The following NOS1AP variants were observed in gnomAD, a reference collection of about 807,000 sequenced individuals.
The protein encoded by NOS1AP is carboxyl-terminal PDZ ligand of neuronal nitric oxide synthase protein.
In NOS1AP, 21 loss-of-function variants were observed where a neutral mutation model predicts 56.2. That is an observed-to-expected ratio of 0.37 (90% CI 0.26 to 0.54). The LOEUF (loss-of-function observed/expected upper bound fraction) is 0.54, where lower values mean the gene tolerates loss of function less well. Among genes scored for constraint, NOS1AP ranks in the 20% least tolerant of loss-of-function variants. The pLI, the probability that NOS1AP is intolerant of heterozygous loss-of-function variation, is 0.84. For synonymous variants in NOS1AP, 270 were observed against 274.6 expected, an observed-to-expected ratio of 0.98 and a Z score of 0.17; for missense variants, 522 against 657.8, an observed-to-expected ratio of 0.79 and a Z score of 2.26.
intron 4 of NOS1AP, among the ~76,000 whole-genome samples, chr1:162,304,313 A>T (rs1275687311): frequency 6.6e-6 from 1 of 152,154 alleles, no homozygotes; most frequent in Admixed American, 6.5e-5. Flanking sequence ...AACATCAGTT[A>T]TCCGTCTCTG....
At chr1:162,209,127 C>A (rs1380484819) in intron 2 of NOS1AP, among the ~76,000 whole-genome samples, 1 of 152,082 alleles carries the variant, frequency 6.6e-6, no homozygotes, top group Non-Finnish European at 1.5e-5. Context: ...TTCTGGAATC[C>A]CATTTATGGC....
intron 1 of NOS1AP, among the ~76,000 whole-genome samples, chr1:162,101,182 A>G (rs563776645): frequency 1.8e-4 from 28 of 152,336 alleles, no homozygotes; most frequent in Non-Finnish European, 3.2e-4. Context: ...AGCACCATTT[A>G]TTAAATAGGG....
intron 1 of NOS1AP, among the ~76,000 whole-genome samples, chr1:162,129,145 G>A (rs186198212): frequency 6.6e-6 from 1 of 152,072 alleles, no homozygotes; most frequent in African/African-American, 2.4e-5. Context: ...TGGTACCTGT[G>A]TTTTCTGTGT....
intron 1 of NOS1AP, among the ~76,000 whole-genome samples, chr1:162,153,204 G>T (rs1571069414): frequency 6.6e-6 from 1 of 152,176 alleles, no homozygotes; most frequent in Admixed American, 6.5e-5. Flanking sequence ...TCTCAGCTCA[G>T]TGCAACCTCC....
intron 2 of NOS1AP, among the ~76,000 whole-genome samples, chr1:162,210,366 G>A (rs1483583602): frequency 6.6e-6 from 1 of 152,108 alleles, no homozygotes. Context: ...TGACTCACTC[G>A]ACAGCAAGCA....
Position 162,139,141 on chromosome 1 carries a change from AG to A in NOS1AP, c.106-15263del, listed in dbSNP as rs1237047641. On this transcript the variant is annotated intron_variant, in intron 1 of 9. Coordinates refer to ENST00000361897, the MANE Select transcript of NOS1AP (RefSeq NM_014697.3). Reference sequence around the variant, plus strand: ...CACTCCGCCCTAGTGTCTACCTCTTAGCCCATCCCGGGTTTTGACCTCATTC... The same window carrying A: ...CACTCCGCCCTAGTGTCTACCTCTTACCCATCCCGGGTTTTGACCTCATTC... Among the ~76,000 whole-genome samples, 5 of 152,138 alleles carry A rather than the reference AG, an allele frequency of 3.3e-5. 1 individual carries two copies. The highest frequency in any genetic ancestry group is 2.1e-4 in the South Asian group (1 of 4,816).
chr1:162,078,519 C>A (rs745756423), intron 1 of NOS1AP, among the ~76,000 whole-genome samples: 3 of 152,146 alleles, frequency 2.0e-5, no homozygotes, highest in Non-Finnish European at 4.4e-5. Flanking sequence ...CCCACCCTGG[C>A]TGGTCCATCA....
At chr1:162,287,283 C>A in intron 2 of NOS1AP, 61 bp from the exon 3 acceptor site, 1 of 1,214,608 alleles carries the variant, frequency 8.2e-7, no homozygotes. Flanking sequence ...CTAGCTGGGT[C>A]TGTATAGATG....
intron 1 of NOS1AP, among the ~76,000 whole-genome samples, chr1:162,089,404 A>G (rs955599072): frequency 6.6e-6 from 1 of 152,236 alleles, no homozygotes; most frequent in Non-Finnish European, 1.5e-5. Context: ...AGCACCAATT[A>G]TGATTACTGA....
At chr1:162,228,298 GTA>G (rs896101110) in intron 2 of NOS1AP, among the ~76,000 whole-genome samples, 2 of 152,154 alleles carry the variant, frequency 1.3e-5, no homozygotes, top group Non-Finnish European at 2.9e-5. Context: ...CCAGAAAAGC[GTA>G]TATATGTTTA....
chr1:162,327,693 C>T (rs2101788832), intron 4 of NOS1AP, among the ~76,000 whole-genome samples: 1 of 152,062 alleles, frequency 6.6e-6, no homozygotes. Context: ...GATGTTATAA[C>T]AGAAGAAAAA....
At chr1:162,150,164 T>C (rs1271628210) in intron 1 of NOS1AP, among the ~76,000 whole-genome samples, 1 of 152,200 alleles carries the variant, frequency 6.6e-6, no homozygotes, top group Non-Finnish European at 1.5e-5. Context: ...TAACCATTGT[T>C]CTACTCTCTC....
In NOS1AP at chr1:162,240,244, A is replaced by AGTGTGTGTGTGTGTGT. The variant is rs5778260; in HGVS notation, c.178-47075_178-47060dup. Among the ~76,000 whole-genome samples the AGTGTGTGTGTGTGTGT allele has an allele frequency of 3.4e-3, 474 of 141,288 alleles. 8 individuals carry two copies. The highest frequency in any genetic ancestry group is 0.012 in the African/African-American group (450 of 37,232). 92.7% of individuals were successfully genotyped at this position (141,288 alleles called of 152,430 possible). A position where few individuals can be genotyped will look rare whatever the true frequency, so the allele number is the denominator to read the frequency against. ...CCCATTCCTGCTGCACTGTGTGGCC[A>AGTGTGTGTGTGTGTGT]GTGTGTGTGTGTGTGTGTGTGTGTG... On this transcript the variant is annotated intron_variant, in intron 2 of 9. Coordinates refer to ENST00000361897, the MANE Select transcript of NOS1AP (RefSeq NM_014697.3).
chr1:162,239,887 G>A (rs1368914344), intron 2 of NOS1AP, among the ~76,000 whole-genome samples: 3 of 152,220 alleles, frequency 2.0e-5, no homozygotes, highest in African/African-American at 4.8e-5. Context: ...CTGATTTTAT[G>A]CTCAAAATAA....
intron 1 of NOS1AP, among the ~76,000 whole-genome samples, chr1:162,103,262 T>A (rs979946674): frequency 6.6e-6 from 1 of 152,188 alleles, no homozygotes; most frequent in Non-Finnish European, 1.5e-5. Flanking sequence ...TTTCTTAACG[T>A]TGCGTTCTAA....
intron 2 of NOS1AP, among the ~76,000 whole-genome samples, chr1:162,238,475 C>T (rs938832910): frequency 2.0e-5 from 3 of 152,254 alleles, no homozygotes; most frequent in Non-Finnish European, 2.9e-5. Flanking sequence ...ACTGCTGCTA[C>T]GTGTTTTTGT....
chr1:162,191,787 T>C (rs887645487), intron 2 of NOS1AP, among the ~76,000 whole-genome samples: 1 of 152,200 alleles, frequency 6.6e-6, no homozygotes, highest in African/African-American at 2.4e-5. Flanking sequence ...AGTTGGCCCA[T>C]TAATTTTAAT....
chr1:162,083,422 T>C (rs1288856725), intron 1 of NOS1AP, among the ~76,000 whole-genome samples: 1 of 152,158 alleles, frequency 6.6e-6, no homozygotes, highest in Non-Finnish European at 1.5e-5. Context: ...ATTTTTTTAT[T>C]TGGAGACAGG....
At chr1:162,239,942 G>A (rs1289399992) in intron 2 of NOS1AP, among the ~76,000 whole-genome samples, 3 of 152,152 alleles carry the variant, frequency 2.0e-5, no homozygotes, top group Admixed American at 2.0e-4. Context: ...TAATACTTGG[G>A]GACACAGATG....
Sources: gnomAD v4.1 joint callset for allele counts (sites outside exome capture counted in the v4.1 genomes callset) on GRCh38, gnomAD v4.1.1 for gene constraint, MANE v1.5 for transcripts, NCBI Gene and HGNC (gene_info 2026-07-23, HGNC 2026-07-21) for gene names.